PLEKHG7: variants seen among roughly 807,000 people sequenced by gnomAD.
The protein encoded by PLEKHG7 is pleckstrin homology domain-containing family G member 7.
In PLEKHG7, 77 loss-of-function variants were observed where a neutral mutation model predicts 85.2. That is an observed-to-expected ratio of 0.90 (90% confidence interval 0.75 to 1.09). PLEKHG7 has a LOEUF of 1.09. Among genes scored for constraint, PLEKHG7 ranks in the 50% least tolerant of loss-of-function variants. The pLI, the probability that PLEKHG7 is intolerant of heterozygous loss-of-function variation, is 0.00. For synonymous variants in PLEKHG7, 301 were observed against 302.4 expected, an observed-to-expected ratio of 1.00 and a Z score of 0.05; for missense variants, 777 against 804.3, an observed-to-expected ratio of 0.97 and a Z score of 0.41.
chr12:92,759,070 A>G (rs1335076450), intron 13 of PLEKHG7, among the ~76,000 whole-genome samples: 1 of 152,212 alleles, frequency 6.6e-6, no homozygotes, highest in East Asian at 1.9e-4. Context: ...ATGTGATGAA[A>G]CCTAACACAT....
At chr12:92,721,738 A>G (rs977531512) in intron 3 of PLEKHG7, among the ~76,000 whole-genome samples, 6 of 148,552 alleles carry the variant, frequency 4.0e-5, no homozygotes, top group Middle Eastern at 3.2e-3. Context: ...AGCATTTATC[A>G]AGGATATTTG....
chr12:92,738,477 C>T (rs1378186338), intron 7 of PLEKHG7, among the ~76,000 whole-genome samples: 2 of 152,220 alleles, frequency 1.3e-5, no homozygotes, highest in Non-Finnish European at 2.9e-5. Context: ...CCTTCATACC[C>T]TAAACCAGGG....
Position 92,766,444 on chromosome 12 carries a change from A to T in PLEKHG7, c.1870+2250A>T, listed in dbSNP as rs10777449. ...TGTAGTCACAACCCTGCCAGCTTTA[A>T]GACTTGAACTTTATGGGAAATCTAA... On this transcript the variant is annotated intron_variant, in intron 15 of 16. Transcript: ENST00000344636. 3.9e-5 allele frequency among the ~76,000 whole-genome samples: 6 copies of T among 152,048 alleles called. No homozygotes were observed. The South Asian group carries it at 6.2e-4, about 16-fold the overall frequency.
At chr12:92,721,771 A>G (rs1871655002) in intron 3 of PLEKHG7, among the ~76,000 whole-genome samples, 1 of 152,024 alleles carries the variant, frequency 6.6e-6, no homozygotes, top group Non-Finnish European at 1.5e-5. Flanking sequence ...TTTCTAAACA[A>G]ATAAAGGGTG....
chr12:92,770,413 T>C lies in PLEKHG7; in HGVS notation c.*218T>C. 2.1e-6 allele frequency: 1 copy of C among 471,114 alleles called. No homozygotes were observed. The highest frequency in any genetic ancestry group is 4.1e-5 in the East Asian group (1 of 24,626). 29.2% of individuals were successfully genotyped at this position (471,114 alleles called of 1,614,324 possible). A position where few individuals can be genotyped will look rare whatever the true frequency, so the allele number is the denominator to read the frequency against. On this transcript the variant is annotated 3_prime_UTR_variant, in exon 17 of 17. Transcript: ENST00000344636. ...GAGGAATTTCTTGACAAATATATACTGACATCCAGATTACCTTCTAATGCT... is the reference window on the plus strand; with the variant it reads ...GAGGAATTTCTTGACAAATATATACCGACATCCAGATTACCTTCTAATGCT...
rs1871125337 is a variant in PLEKHG7 at position 92,703,056 on chromosome 12, ACT to A, written c.-235_-234del. On this transcript the variant is annotated 5_prime_UTR_variant, in exon 1 of 17. Transcript: ENST00000344636. ...GCTCCGAGCCCTCGCCTGGCAGCTC[ACT>A]CTGGATCTGCGGGTTCTGAGGAGCC... The A allele has an allele frequency of 6.6e-6, 1 of 152,088 alleles. No individual in the cohort carries two copies. Among genetic ancestry groups the A allele is most frequent in the African/African-American group, 2.4e-5 (1 of 41,406 alleles). 9.4% of individuals were successfully genotyped at this position (152,088 alleles called of 1,614,324 possible). A position where few individuals can be genotyped will look rare whatever the true frequency, so the allele number is the denominator to read the frequency against.
chr12:92,727,600 T>C (rs996506963), intron 3 of PLEKHG7, among the ~76,000 whole-genome samples: 2 of 152,130 alleles, frequency 1.3e-5, no homozygotes, highest in African/African-American at 2.4e-5. Context: ...TCATGCTTTT[T>C]TTTTTCCAGA....
In PLEKHG7 at chr12:92,771,332, G is replaced by C. The variant is rs1031264619; in HGVS notation, c.*1137G>C. ...GGTAGAGAGGATAATGTTTGGGCAA[G>C]TCATGTGCCCAGTAATTCCTTGAGG... On this transcript the variant is annotated 3_prime_UTR_variant, in exon 17 of 17. Transcript: ENST00000344636. 3.3e-5 allele frequency: 5 copies of C among 152,068 alleles called. No individual in the cohort carries two copies. Among genetic ancestry groups the C allele is most frequent in the African/African-American group, 4.8e-5 (2 of 41,430 alleles). 9.4% of individuals were successfully genotyped at this position (152,068 alleles called of 1,614,324 possible).
chr12:92,732,694 C>G (rs180773524), intron 5 of PLEKHG7, among the ~76,000 whole-genome samples: 9 of 152,298 alleles, frequency 5.9e-5, no homozygotes, highest in African/African-American at 2.2e-4. Flanking sequence ...AAATACACTT[C>G]TATTTCTGGG....
chr12:92,705,761 A>G (rs1430604667), intron 1 of PLEKHG7, among the ~76,000 whole-genome samples: 2 of 152,356 alleles, frequency 1.3e-5, no homozygotes, highest in East Asian at 3.9e-4. Context: ...GAAAGTACAG[A>G]ATAACGAAAC....
chr12:92,706,515 C>G lies in PLEKHG7; in HGVS notation c.-117C>G. 1 of 1,281,656 alleles carries G rather than the reference C, an allele frequency of 7.8e-7. No individual in the cohort carries two copies. Among genetic ancestry groups the G allele is most frequent in the Non-Finnish European group, 1.1e-6 (1 of 942,004 alleles). 79.4% of individuals were successfully genotyped at this position (1,281,656 alleles called of 1,614,324 possible). On this transcript the variant is annotated 5_prime_UTR_variant, in exon 2 of 17. Transcript: ENST00000344636. The stretch of plus-strand genomic sequence containing the variant: ...ATTCTCCTCTGGAAAAGGAAAAGAA[C>G]TACGAGAGGAAGCATGGCACTTGGA...
At chr12:92,723,413 T>A (rs1871700474) in intron 3 of PLEKHG7, among the ~76,000 whole-genome samples, 1 of 152,208 alleles carries the variant, frequency 6.6e-6, no homozygotes. Context: ...AACAATGGAT[T>A]AAGTTCTAAA....
intron 10 of PLEKHG7, chr12:92,749,410 G>A (rs1001491790): frequency 3.3e-5 from 5 of 152,068 alleles, no homozygotes; most frequent in Non-Finnish European, 5.9e-5. Flanking sequence ...TCACACCTCA[G>A]CCTCCCACAT....
In PLEKHG7 at chr12:92,764,134, G is replaced by C. The variant is rs375510513; in HGVS notation, c.1810G>C (p.Asp604His). 2 of 1,611,646 alleles carry C rather than the reference G, an allele frequency of 1.2e-6. No individual in the cohort carries two copies. The highest frequency in any genetic ancestry group is 2.2e-5 in the East Asian group (1 of 44,680). Residue 604 changes from aspartate to histidine, a missense_variant, in exon 15 of 17, where the codon GAT becomes CAT. Physicochemically the swap from Asp to His is moderately conservative, Grantham distance 81. Coordinates refer to ENST00000344636, the MANE Select transcript of PLEKHG7 (RefSeq NM_001377329.1). ...IKEGGSCTVL[D>H]QPIPLDRLVV... ...AGAGGGTGGTTCGTGTACAGTACTCGATCAGCCTATTCCACTAGATAGATT... is the reference window on the plus strand; with the variant it reads ...AGAGGGTGGTTCGTGTACAGTACTCCATCAGCCTATTCCACTAGATAGATT...
At chr12:92,705,551 G>C (rs187338660) in intron 1 of PLEKHG7, among the ~76,000 whole-genome samples, 1 of 152,150 alleles carries the variant, frequency 6.6e-6, no homozygotes, top group Non-Finnish European at 1.5e-5. Flanking sequence ...TGGAATATAC[G>C]GTCAACTACT....
At chr12:92,752,074 C>T (rs187452082) in intron 10 of PLEKHG7, among the ~76,000 whole-genome samples, 1 of 151,548 alleles carries the variant, frequency 6.6e-6, no homozygotes, top group Non-Finnish European at 1.5e-5. Flanking sequence ...GAGACCCCAC[C>T]TCACCCCACC....
chr12:92,741,599 TC>T lies in PLEKHG7; in HGVS notation c.1137+9del. 1 of 1,605,240 alleles carries T rather than the reference TC, an allele frequency of 6.2e-7. No homozygotes were observed. The highest frequency in any genetic ancestry group is 1.1e-5 in the South Asian group (1 of 90,494). On this transcript the variant is annotated splice_region_variant and intron_variant, in intron 9 of 16. Transcript: ENST00000344636. ...TATTTCCGTGCTCACAAAGGTAAAC[TC>T]CTTCTGGGAGACCTCAGCTTCATGT... is the stretch of plus-strand genomic sequence containing the variant.
At position 92,756,402 on chromosome 12, in the gene PLEKHG7, G is replaced by T. The variant is rs1255826116; in HGVS notation, c.1636+11G>T. On this transcript the variant is annotated intron_variant, in intron 13 of 16. Transcript: ENST00000344636. Reference sequence around the variant, plus strand: ...AATTAACTCTTGCAGGTAAATAACTGCTTCCTTTAAAAAACCCAACATCTG... The same window carrying T: ...AATTAACTCTTGCAGGTAAATAACTTCTTCCTTTAAAAAACCCAACATCTG... 2 of 1,593,146 alleles carry T rather than the reference G, an allele frequency of 1.3e-6. No homozygotes were observed. The highest frequency in any genetic ancestry group is 2.7e-5 in the African/African-American group (2 of 74,362).
Position 92,756,515 on chromosome 12 carries a change from TGA to T in PLEKHG7, c.1636+130_1636+131del, listed in dbSNP as rs139969703. ...TGTTCCAGGTGATGGAGGGTGTGAA[TGA>T]GAGAGTCCCTATGGAGTCACACAGA... On this transcript the variant is annotated intron_variant, in intron 13 of 16. Coordinates refer to ENST00000344636, the MANE Select transcript of PLEKHG7 (RefSeq NM_001377329.1). The T allele has an allele frequency of 6.7e-4, 509 of 756,556 alleles. 4 individuals are homozygous for T. In the East Asian group the frequency reaches 0.012, roughly 18 times the overall value. The allele number at this position is 756,556 out of a possible 1,614,324, so 46.9% of individuals were successfully genotyped here. A position where few individuals can be genotyped will look rare whatever the true frequency, so the allele number is the denominator to read the frequency against.
Sources: allele counts gnomAD v4.1 joint callset (sites outside exome capture counted in the v4.1 genomes callset), GRCh38; gene constraint gnomAD v4.1.1; transcripts MANE v1.5; gene names NCBI Gene and HGNC (gene_info 2026-07-23, HGNC 2026-07-21).